ST6GALNAC3: variants seen among roughly 807,000 people sequenced by gnomAD.
ST6GALNAC3 encodes the protein alpha-N-acetylgalactosaminide alpha-2,6-sialyltransferase 3.
A neutral mutation model predicts 32.7 loss-of-function variants in ST6GALNAC3; 25 were observed. That is an observed-to-expected ratio of 0.76 (90% CI 0.56 to 1.07). ST6GALNAC3 has a LOEUF of 1.07. Ranked by LOEUF, ST6GALNAC3 falls within the 50% of genes least tolerant of loss-of-function variation. ST6GALNAC3 has a pLI of 0.00. For missense variants in ST6GALNAC3, 355 were observed against 382.4 expected (o/e 0.93, Z 0.60); for synonymous variants, 129 against 133.1 (o/e 0.97, Z 0.21).
chr1:76,121,933 A>C (rs1367215661), intron 1 of ST6GALNAC3, among the ~76,000 whole-genome samples: 8 of 152,180 alleles, frequency 5.3e-5, no homozygotes, highest in Non-Finnish European at 1.0e-4. Context: ...CCATACCTGG[A>C]ACATGCCTGG....
chr1:76,501,451 T>C (rs1415114539), intron 3 of ST6GALNAC3, among the ~76,000 whole-genome samples: 2 of 152,216 alleles, frequency 1.3e-5, no homozygotes, highest in African/African-American at 2.4e-5. Flanking sequence ...CTTCCTTCCT[T>C]CTTTCTTTTT....
intron 1 of ST6GALNAC3, among the ~76,000 whole-genome samples, chr1:76,278,551 A>G (rs1659317113): frequency 6.6e-6 from 1 of 152,102 alleles, no homozygotes; most frequent in African/African-American, 2.4e-5. Flanking sequence ...GAATTCAAGA[A>G]GAGCCTTTGA....
intron 3 of ST6GALNAC3, among the ~76,000 whole-genome samples, chr1:76,593,880 A>G (rs1647087979): frequency 6.6e-6 from 1 of 152,112 alleles, no homozygotes; most frequent in Non-Finnish European, 1.5e-5. Flanking sequence ...AGGAACAGGG[A>G]TGGCAGAGGA....
chr1:76,494,549 A>G (rs1237356091), intron 3 of ST6GALNAC3, among the ~76,000 whole-genome samples: 2 of 86,206 alleles, frequency 2.3e-5, no homozygotes, highest in African/African-American at 1.0e-4. Context: ...TCATGTGTAT[A>G]AACACACACA....
At chr1:76,194,254 G>A (rs768429574) in intron 1 of ST6GALNAC3, among the ~76,000 whole-genome samples, 31 of 152,272 alleles carry the variant, frequency 2.0e-4, no homozygotes, top group Middle Eastern at 3.4e-3. Context: ...TGGAAGAAAT[G>A]TAATCTGAGA....
intron 1 of ST6GALNAC3, among the ~76,000 whole-genome samples, chr1:76,141,763 T>C (rs1650340319): frequency 6.6e-6 from 1 of 152,194 alleles, no homozygotes; most frequent in Non-Finnish European, 1.5e-5. Context: ...ATCTTCATTA[T>C]AATAGCACCT....
At chr1:76,589,648 C>G (rs765247416) in intron 3 of ST6GALNAC3, among the ~76,000 whole-genome samples, 1 of 151,784 alleles carries the variant, frequency 6.6e-6, no homozygotes, top group African/African-American at 2.4e-5. Flanking sequence ...CCTCAGAGCT[C>G]TACTCCTAAC....
chr1:76,185,565 C>T (rs890499423), intron 1 of ST6GALNAC3, among the ~76,000 whole-genome samples: 3 of 152,166 alleles, frequency 2.0e-5, no homozygotes, highest in African/African-American at 7.2e-5. Context: ...GAATTTTACT[C>T]TGGGCTCCTC....
intron 3 of ST6GALNAC3, among the ~76,000 whole-genome samples, chr1:76,527,821 C>A (rs1035049248): frequency 6.6e-6 from 1 of 152,020 alleles, no homozygotes; most frequent in East Asian, 1.9e-4. Flanking sequence ...TCCAAGACAC[C>A]TGAAAAGGCC....
intron 1 of ST6GALNAC3, among the ~76,000 whole-genome samples, chr1:76,135,258 T>G (rs891159600): frequency 2.0e-4 from 31 of 152,368 alleles, no homozygotes; most frequent in African/African-American, 7.2e-4. Flanking sequence ...TTGTTCCTAC[T>G]CTGTTTTATG....
At chr1:76,525,795 A>ATATATATATATACG (rs1662856952) in intron 3 of ST6GALNAC3, among the ~76,000 whole-genome samples, 19 of 47,800 alleles carry the variant, frequency 4.0e-4, no homozygotes, top group Non-Finnish European at 4.4e-4. Flanking sequence ...GTGTGTGTAT[A>ATATATATATATACG]TATATATATA....
At chr1:76,200,562 G>C (rs185163998) in intron 1 of ST6GALNAC3, among the ~76,000 whole-genome samples, 19 of 152,264 alleles carry the variant, frequency 1.2e-4, no homozygotes, top group African/African-American at 4.6e-4. Flanking sequence ...TGATTAGATG[G>C]TGGCTACCAT....
At chr1:76,528,236 C>T (rs1354145786) in intron 3 of ST6GALNAC3, among the ~76,000 whole-genome samples, 2 of 152,144 alleles carry the variant, frequency 1.3e-5, no homozygotes, top group Non-Finnish European at 2.9e-5. Context: ...TGGCACTGGG[C>T]TAAGCCTGTG....
chr1:76,278,514 T>G (rs867146852), intron 1 of ST6GALNAC3, among the ~76,000 whole-genome samples: 1 of 151,980 alleles, frequency 6.6e-6, no homozygotes. Context: ...TAGGCATTCT[T>G]TTTTTTAATG....
At chr1:76,407,689 A>G (rs1451368765) in intron 2 of ST6GALNAC3, among the ~76,000 whole-genome samples, 1 of 152,084 alleles carries the variant, frequency 6.6e-6, no homozygotes, top group Non-Finnish European at 1.5e-5. Context: ...AATGAAAAAA[A>G]AAAAGCAAAA....
At chr1:76,263,665 C>T (rs933346932) in intron 1 of ST6GALNAC3, among the ~76,000 whole-genome samples, 9 of 152,224 alleles carry the variant, frequency 5.9e-5, no homozygotes, top group African/African-American at 2.2e-4. Flanking sequence ...CTCAGCTCCA[C>T]TGTCTCATTC....
At chr1:76,234,983 A>T (rs17098448) in intron 1 of ST6GALNAC3, among the ~76,000 whole-genome samples, 12,083 of 152,184 alleles carry the variant, frequency 0.079, 1,272 homozygotes, top group African/African-American at 0.24. Context: ...AGAACCAAGG[A>T]GTGTGGGCTT....
At chr1:76,082,539 G>A (rs1030436090) in intron 1 of ST6GALNAC3, among the ~76,000 whole-genome samples, 43 of 152,218 alleles carry the variant, frequency 2.8e-4, no homozygotes, top group African/African-American at 8.7e-4. Context: ...GAGGTGAAGG[G>A]ATTATCTGCG....
At chr1:76,437,795 C>T (rs1024381093) in intron 3 of ST6GALNAC3, among the ~76,000 whole-genome samples, 1 of 151,806 alleles carries the variant, frequency 6.6e-6, no homozygotes, top group Non-Finnish European at 1.5e-5. Context: ...AGGACGGTCT[C>T]GATCTCTTGA....
Sources: gnomAD v4.1 joint callset for allele counts (sites outside exome capture counted in the v4.1 genomes callset) on GRCh38, gnomAD v4.1.1 for gene constraint, MANE v1.5 for transcripts, NCBI Gene and HGNC (gene_info 2026-07-23, HGNC 2026-07-21) for gene names.